The following PIK3CB variants were observed in gnomAD, a reference collection of about 807,000 sequenced individuals.
PIK3CB encodes phosphatidylinositol-4,5-bisphosphate 3-kinase catalytic subunit beta.
In PIK3CB, 39 loss-of-function variants were observed where a neutral mutation model predicts 136.8. The ratio of observed to expected loss-of-function variants is 0.29; its 90% CI spans 0.22 to 0.37. The LOEUF is 0.37. PIK3CB is among the 10% of genes least tolerant of loss of function. The probability of loss-of-function intolerance (pLI) is 1.00; values close to 1 mark genes in which losing one functional copy is unlikely to be tolerated. For synonymous variants in PIK3CB, 428 were observed against 436.6 expected (o/e 0.98, Z 0.25); for missense variants, 868 against 1,275.4 (o/e 0.68, Z 4.87).
At chr3:138,703,601 T>C (rs544557631) in intron 12 of PIK3CB, among the ~76,000 whole-genome samples, 1 of 151,802 alleles carries the variant, frequency 6.6e-6, no homozygotes, top group Non-Finnish European at 1.5e-5. Flanking sequence ...TAGATATAGA[T>C]ATATAAATGT....
chr3:138,794,772 G>T (rs2046090440), intron 2 of PIK3CB, among the ~76,000 whole-genome samples: 2 of 152,160 alleles, frequency 1.3e-5, no homozygotes, highest in Non-Finnish European at 2.9e-5. Flanking sequence ...TATCTGGGGG[G>T]AATTGTTTCC....
At chr3:138,779,073 C>T (rs1290772149) in intron 2 of PIK3CB, among the ~76,000 whole-genome samples, 1 of 142,800 alleles carries the variant, frequency 7.0e-6, no homozygotes, top group African/African-American at 2.6e-5. Flanking sequence ...ATATATCTTA[C>T]TCTATGTCAT....
intron 4 of PIK3CB, among the ~76,000 whole-genome samples, chr3:138,745,812 A>G (rs2045344268): frequency 6.6e-6 from 1 of 152,158 alleles, no homozygotes; most frequent in South Asian, 2.1e-4. Flanking sequence ...TTACAAATAA[A>G]GTGTATCACA....
At chr3:138,762,888 G>A (rs1488987823) in intron 2 of PIK3CB, among the ~76,000 whole-genome samples, 1 of 151,686 alleles carries the variant, frequency 6.6e-6, no homozygotes, top group Non-Finnish European at 1.5e-5. Flanking sequence ...TGACCCCAGA[G>A]GGTGGAGGTT....
chr3:138,681,563 T>G (rs971266627), intron 19 of PIK3CB, among the ~76,000 whole-genome samples: 1 of 152,166 alleles, frequency 6.6e-6, no homozygotes, highest in Admixed American at 6.5e-5. Flanking sequence ...AACCTGAGAA[T>G]GCACCTAAAC....
chr3:138,825,218 T>C (rs1933731096), intron 1 of PIK3CB: 2 of 335,288 alleles, frequency 6.0e-6, no homozygotes, highest in South Asian at 1.1e-4. Context: ...CCATCACTGA[T>C]GCTCAAGAAG....
intron 8 of PIK3CB, among the ~76,000 whole-genome samples, chr3:138,728,984 A>C (rs2044907050): frequency 1.3e-5 from 2 of 152,168 alleles, no homozygotes; most frequent in African/African-American, 4.8e-5. Context: ...GATAAAGAAC[A>C]AAATCAAGAT....
chr3:138,661,793 C>T (rs1026053697), intron 21 of PIK3CB, among the ~76,000 whole-genome samples: 2 of 152,192 alleles, frequency 1.3e-5, no homozygotes, highest in African/African-American at 4.8e-5. Context: ...CACACAGTGA[C>T]CCAGAGAGAT....
intron 19 of PIK3CB, among the ~76,000 whole-genome samples, chr3:138,680,751 T>C (rs2607108): frequency 0.83 from 126,525 of 151,822 alleles, 53,421 homozygotes; most frequent in East Asian, 0.99. Context: ...TGCAGTGGCA[T>C]GATCTCGCTC....
chr3:138,655,242 G>T lies in PIK3CB; in HGVS notation c.*147C>A. 1.4e-6 allele frequency: 1 copy of T among 722,884 alleles called. No individual in the cohort carries two copies. Among genetic ancestry groups the T allele is most frequent in the Non-Finnish European group, 2.3e-6 (1 of 435,314 alleles). The allele number at this position is 722,884 out of a possible 1,614,324, so 44.8% of individuals were successfully genotyped here. ...TCGGGGATTGTTCAGATTAGGTTCTGTGGGATGCCTTGTTCTTAATTTAAC... is the reference window on the plus strand; with the variant it reads ...TCGGGGATTGTTCAGATTAGGTTCTTTGGGATGCCTTGTTCTTAATTTAAC... On this transcript the variant is annotated 3_prime_UTR_variant, in exon 24 of 24. Coordinates refer to ENST00000674063, the MANE Select transcript of PIK3CB (RefSeq NM_006219.3).
intron 2 of PIK3CB, among the ~76,000 whole-genome samples, chr3:138,777,024 C>T (rs975157169): frequency 1.3e-5 from 2 of 151,798 alleles, no homozygotes; most frequent in Non-Finnish European, 2.9e-5. Flanking sequence ...GCTGTCACAA[C>T]CTGGGATGAT....
rs555985441 is a variant in PIK3CB, at chr3:138,673,090, C to A, written c.2505-7887G>T. Among the ~76,000 whole-genome samples the A allele has an allele frequency of 4.6e-5, 7 of 151,980 alleles. No individual in the cohort carries two copies. The South Asian group carries it at 1.5e-3, about 32-fold the overall frequency. On this transcript the variant is annotated intron_variant, in intron 19 of 23. Coordinates refer to ENST00000674063, the MANE Select transcript of PIK3CB (RefSeq NM_006219.3). ...ATGAAAAGACTCAGCCTGGTCTCAA[C>A]GCCAGAGCACACAGAGACTTGAGTA... is the stretch of plus-strand genomic sequence containing the variant.
In PIK3CB at chr3:138,764,961, G is replaced by A. The variant is rs566986261; in HGVS notation, c.-16-5602C>T. Reference sequence around the variant, plus strand: ...TATTATTTCTAGCTCTTTAGCTCCTGGCACATATTAGCCTCTCAATAAATA... The same window carrying A: ...TATTATTTCTAGCTCTTTAGCTCCTAGCACATATTAGCCTCTCAATAAATA... On this transcript the variant is annotated intron_variant, in intron 2 of 23. Transcript: ENST00000674063. 3.3e-5 allele frequency among the ~76,000 whole-genome samples: 5 copies of A among 152,260 alleles called. No homozygotes were observed. In the South Asian group the frequency reaches 1.0e-3, roughly 32 times the overall value.
chr3:138,730,040 A>G (rs1425708141), intron 8 of PIK3CB, among the ~76,000 whole-genome samples: 1 of 152,208 alleles, frequency 6.6e-6, no homozygotes, highest in Admixed American at 6.5e-5. Context: ...TCACCTGTGT[A>G]GCAAGGTATA....
intron 5 of PIK3CB, among the ~76,000 whole-genome samples, chr3:138,741,312 T>A (rs769060596): frequency 7.4e-4 from 112 of 152,310 alleles, no homozygotes; most frequent in Non-Finnish European, 1.1e-3. Flanking sequence ...AACACTAAAC[T>A]TGTCTTCCTT....
At chr3:138,709,490 A>C (rs891914678) in intron 10 of PIK3CB, among the ~76,000 whole-genome samples, 11 of 152,172 alleles carry the variant, frequency 7.2e-5, no homozygotes, top group African/African-American at 2.4e-4. Flanking sequence ...TAGTCCACAT[A>C]AAAAAATTAT....
intron 19 of PIK3CB, among the ~76,000 whole-genome samples, chr3:138,679,782 G>A (rs1400003378): frequency 7.0e-6 from 1 of 142,132 alleles, no homozygotes; most frequent in Non-Finnish European, 1.5e-5. Context: ...TATTATTGTA[G>A]AGACAGGGTT....
At chr3:138,712,849 G>A (rs1225148364) in intron 9 of PIK3CB, among the ~76,000 whole-genome samples, 1 of 152,066 alleles carries the variant, frequency 6.6e-6, no homozygotes, top group Non-Finnish European at 1.5e-5. Flanking sequence ...TTACAGGTGT[G>A]AGCCATCACG....
intron 14 of PIK3CB, among the ~76,000 whole-genome samples, chr3:138,694,287 T>C (rs988778946): frequency 1.3e-5 from 2 of 152,034 alleles, no homozygotes; most frequent in Non-Finnish European, 2.9e-5. Flanking sequence ...GGTGCTTATG[T>C]GATAGCTGCC....
Sources: allele counts gnomAD v4.1 joint callset (sites outside exome capture counted in the v4.1 genomes callset), GRCh38; gene constraint gnomAD v4.1.1; transcripts MANE v1.5; gene names NCBI Gene and HGNC (gene_info 2026-07-23, HGNC 2026-07-21).